The following SDC3 variants were observed in gnomAD, a reference collection of about 807,000 sequenced individuals.
SDC3 encodes syndecan-3.
In SDC3, 13 loss-of-function variants were observed where a neutral mutation model predicts 24.4. The observed-to-expected ratio is 0.53, with a 90% CI of 0.35 to 0.85. SDC3 has a LOEUF of 0.85. SDC3 is among the 40% of genes least tolerant of loss of function. The pLI is 0.01. For missense variants in SDC3, 571 were observed against 584.5 expected, an observed-to-expected ratio of 0.98 and a Z score of 0.24; for synonymous variants, 295 against 260.9, an observed-to-expected ratio of 1.13 and a Z score of -1.26.
chr1:30,901,124 C>T (rs1638407157), intron 1 of SDC3, among the ~76,000 whole-genome samples: 1 of 152,214 alleles, frequency 6.6e-6, no homozygotes, highest in South Asian at 2.1e-4. Context: ...GGTGGCCTAA[C>T]ATCTCTGAGC....
Position 30,869,983 on chromosome 1 carries a change from C to G in SDC3, c.*3228G>C. ...AACTCCCAGGGCCCAGTCTCGATGC[C>G]TCTGTAAATCTGTACAGTTTGCGGG... is the stretch of plus-strand genomic sequence containing the variant. On this transcript the variant is annotated 3_prime_UTR_variant, in exon 5 of 5. Coordinates refer to ENST00000339394, the MANE Select transcript of SDC3 (RefSeq NM_014654.4). The G allele has an allele frequency of 2.5e-6, 1 of 398,178 alleles. No individual in the cohort carries two copies. The highest frequency in any genetic ancestry group is 4.4e-6 in the Non-Finnish European group (1 of 226,056). The allele number at this position is 398,178 out of a possible 1,614,324, so 24.7% of individuals were successfully genotyped here.
intron 4 of SDC3, 65 bp downstream of exon 4, chr1:30,874,232 G>T: frequency 7.3e-7 from 1 of 1,374,038 alleles, no homozygotes; most frequent in Non-Finnish European, 9.9e-7. Flanking sequence ...GCAAACTGAG[G>T]CCCAGCCAGC....
intron 1 of SDC3, among the ~76,000 whole-genome samples, chr1:30,893,758 G>A (rs950664761): frequency 5.3e-5 from 8 of 152,206 alleles, no homozygotes; most frequent in East Asian, 1.9e-4. Flanking sequence ...AAAGGGACCC[G>A]CGTCTCCTGG....
At chr1:30,894,206 AGAGTGTGTGTGT>A (rs1639951441) in intron 1 of SDC3, among the ~76,000 whole-genome samples, 1 of 146,222 alleles carries the variant, frequency 6.8e-6, no homozygotes, top group Non-Finnish European at 1.5e-5. Context: ...TGTGTGCATG[AGAGTGTGTGTGT>A]GAGTGTGTGG....
At chr1:30,898,563 G>T (rs983386484) in intron 1 of SDC3, among the ~76,000 whole-genome samples, 8 of 152,284 alleles carry the variant, frequency 5.3e-5, no homozygotes, top group Admixed American at 1.3e-4. Context: ...CATGTTCCAG[G>T]GTTCAGGGAG....
Position 30,874,396 on chromosome 1 carries a change from G to A in SDC3, c.1063C>T (p.Arg355Cys), listed in dbSNP as rs372545406. The change falls in exon 4 of 5, where the codon CGC becomes TGC. Residue 355 changes from arginine (R) to cysteine (C), a missense_variant. Physicochemically the swap from Arg to Cys is radical, Grantham distance 180. Around this residue, in one of 2 missense-constraint regions of SDC3, gnomAD observed 497 missense variants for 471.6 expected, o/e 1.05. Transcript: ENST00000339394. ...SPPGTLPKGARPGPGLLDNAI... is the reference protein window; with the variant it reads ...SPPGTLPKGACPGPGLLDNAI... Reference sequence around the variant, plus strand: ...TTGTCCAGGAGGCCAGGGCCCGGGCGGGCACCCTTGGGCAGTGTCCCAGGT... The same window carrying A: ...TTGTCCAGGAGGCCAGGGCCCGGGCAGGCACCCTTGGGCAGTGTCCCAGGT... 1.9e-5 allele frequency: 30 copies of A among 1,613,936 alleles called. No individual in the cohort carries two copies. Among genetic ancestry groups the A allele is most frequent in the Admixed American group, 3.3e-5 (2 of 60,002 alleles).
At chr1:30,887,184 T>C (rs2807012) in intron 1 of SDC3, among the ~76,000 whole-genome samples, 148,093 of 151,968 alleles carry the variant, frequency 0.97, 72,176 homozygotes, top group East Asian at 1. Context: ...AGGCACCCCC[T>C]GCCCCCACCA....
At chr1:30,909,714 A>G (rs1303860786), upstream of SDC3, among the ~76,000 whole-genome samples, 1 of 152,196 alleles carries the variant, frequency 6.6e-6, no homozygotes, top group Admixed American at 6.5e-5. Context: ...AGAGCTCGGC[A>G]TGACATCGAT....
At chr1:30,889,573 T>C (rs1454249963) in intron 1 of SDC3, among the ~76,000 whole-genome samples, 2 of 152,222 alleles carry the variant, frequency 1.3e-5, no homozygotes, top group East Asian at 3.8e-4. Flanking sequence ...TCTAAACAAC[T>C]CTTCAAGGGA....
At position 30,877,118 on chromosome 1, in the gene SDC3, C is replaced by A; in HGVS notation, c.304G>T (p.Asp102Tyr). 6.2e-7 allele frequency: 1 copy of A among 1,613,966 alleles called. No individual in the cohort carries two copies. The highest frequency in any genetic ancestry group is 8.5e-7 in the Non-Finnish European group (1 of 1,179,994). Residue 102 changes from aspartate to tyrosine, a missense_variant, in exon 3 of 5, where the codon GAT becomes TAT. This residue lies in a region of SDC3 where 497 missense variants were observed against 471.6 expected (regional missense o/e 1.05). Coordinates refer to ENST00000339394, the MANE Select transcript of SDC3 (RefSeq NM_014654.4). ...GTGGTGGACACCGCCAGGGCTACAT[C>A]TGGGCTGAAGCGCATGGCTGTCTCA... ...GIETAMRFSP[D>Y]VALAVSTTPA...
intron 3 of SDC3, among the ~76,000 whole-genome samples, chr1:30,875,446 G>A (rs1348824612): frequency 6.6e-6 from 1 of 152,180 alleles, no homozygotes; most frequent in Non-Finnish European, 1.5e-5. Flanking sequence ...GCAAGGGAAG[G>A]GCCTGCATCC....
upstream of SDC3, among the ~76,000 whole-genome samples, chr1:30,909,594 G>A (rs1239326616): frequency 6.6e-6 from 1 of 152,116 alleles, no homozygotes; most frequent in Non-Finnish European, 1.5e-5. Context: ...ATCCCCAGCG[G>A]CATACCCCAT....
chr1:30,895,479 G>A (rs1189299735), intron 1 of SDC3, among the ~76,000 whole-genome samples: 1 of 152,212 alleles, frequency 6.6e-6, no homozygotes, highest in Admixed American at 6.5e-5. Flanking sequence ...CAGCCCCGGG[G>A]AAGCTGTTCC....
In SDC3 at chr1:30,873,386, G is replaced by A. The variant is rs969192069; in HGVS notation, c.1163-9C>T. ...CCCGCCCACAATCACAGCTGTGGAAGAAGAGGGCACAGGTCAAGGCCCAGA... is the reference window on the plus strand; with the variant it reads ...CCCGCCCACAATCACAGCTGTGGAAAAAGAGGGCACAGGTCAAGGCCCAGA... On this transcript the variant is annotated splice_polypyrimidine_tract_variant and intron_variant, in intron 4 of 4. Transcript: ENST00000339394. The A allele has an allele frequency of 1.2e-6, 2 of 1,612,438 alleles. No homozygotes were observed. Among genetic ancestry groups the A allele is most frequent in the Non-Finnish European group, 1.7e-6 (2 of 1,178,700 alleles).
intron 1 of SDC3, among the ~76,000 whole-genome samples, chr1:30,898,978 C>T (rs939638027): frequency 5.3e-5 from 8 of 152,218 alleles, no homozygotes; most frequent in Non-Finnish European, 5.9e-5. Context: ...CTGCACCTCC[C>T]ACCACTCCTC....
chr1:30,891,778 G>A (rs766937012), intron 1 of SDC3, among the ~76,000 whole-genome samples: 80 of 151,856 alleles, frequency 5.3e-4, no homozygotes, highest in Non-Finnish European at 9.3e-4. Flanking sequence ...GCTTGAACCC[G>A]GGAGGTGGAG....
At chr1:30,883,050 T>C (rs1639769874) in intron 1 of SDC3, among the ~76,000 whole-genome samples, 2 of 152,358 alleles carry the variant, frequency 1.3e-5, no homozygotes, top group South Asian at 4.1e-4. Flanking sequence ...TCGAAGCCTT[T>C]ATCTCATGTA....
At chr1:30,903,689 C>T (rs1293739734) in intron 1 of SDC3, among the ~76,000 whole-genome samples, 2 of 152,112 alleles carry the variant, frequency 1.3e-5, no homozygotes, top group Admixed American at 6.5e-5. Context: ...AGCCCCACCC[C>T]GCCAGAAGAG....
At chr1:30,893,234 C>T (rs1013121652) in intron 1 of SDC3, among the ~76,000 whole-genome samples, 1 of 151,296 alleles carries the variant, frequency 6.6e-6, no homozygotes, top group African/African-American at 2.4e-5. Flanking sequence ...GAATGTTCCT[C>T]CCTCCCACAG....
Sources: gnomAD v4.1 joint callset for allele counts (sites outside exome capture counted in the v4.1 genomes callset) on GRCh38, gnomAD v4.1.1 for gene constraint, gnomAD v4.1.1 regional missense constraint, MANE v1.5 for transcripts, NCBI Gene and HGNC (gene_info 2026-07-23, HGNC 2026-07-21) for gene names.